The following ROBO1 variants were observed in gnomAD, a reference collection of about 807,000 sequenced individuals.
ROBO1 encodes the protein roundabout homolog 1.
ROBO1 carries 149 observed loss-of-function variants against 195.9 expected under a neutral mutation model. The observed-to-expected ratio is 0.76, with a 90% CI of 0.67 to 0.87. The LOEUF is 0.87. ROBO1 is among the 40% of genes least tolerant of loss of function. The probability of loss-of-function intolerance (pLI) is 0.00; values close to 1 mark genes in which losing one functional copy is unlikely to be tolerated. For synonymous variants in ROBO1, 816 were observed against 733.2 expected (o/e 1.11, Z -1.82); for missense variants, 1,933 against 2,068.3 (o/e 0.93, Z 1.27).
intron 2 of ROBO1, among the ~76,000 whole-genome samples, chr3:79,534,905 A>G (rs769990128): frequency 3.3e-5 from 5 of 152,014 alleles, no homozygotes; most frequent in Non-Finnish European, 5.9e-5. Flanking sequence ...CATACTAACG[A>G]CTGCAGCTTT....
intron 1 of ROBO1, among the ~76,000 whole-genome samples, chr3:79,697,476 T>A (rs1947481398): frequency 6.6e-6 from 1 of 151,486 alleles, no homozygotes; most frequent in African/African-American, 2.4e-5. Flanking sequence ...TTATTATGGA[T>A]CATGCAGAAG....
intron 4 of ROBO1, among the ~76,000 whole-genome samples, chr3:78,898,678 C>T (rs994851548): frequency 4.6e-5 from 7 of 151,730 alleles, no homozygotes; most frequent in East Asian, 1.9e-4. Context: ...AGTGAGCCAC[C>T]GCACCTGGCC....
chr3:78,612,879 A>T (rs751464726), intron 28 of ROBO1, among the ~76,000 whole-genome samples: 5 of 152,214 alleles, frequency 3.3e-5, no homozygotes, highest in African/African-American at 7.2e-5. Flanking sequence ...CCAAATAAAC[A>T]TTTCAGATTA....
At chr3:79,291,377 C>G (rs1477408311) in intron 2 of ROBO1, among the ~76,000 whole-genome samples, 1 of 151,480 alleles carries the variant, frequency 6.6e-6, no homozygotes, top group Non-Finnish European at 1.5e-5. Context: ...TATTTTCCAG[C>G]TCCCGTGTTA....
intron 2 of ROBO1, among the ~76,000 whole-genome samples, chr3:79,312,329 G>C (rs1215711359): frequency 6.6e-6 from 1 of 152,164 alleles, no homozygotes; most frequent in East Asian, 1.9e-4. Flanking sequence ...TCGTTTGTCT[G>C]TTTTACTTAC....
At chr3:79,019,471 T>C (rs1283551677) in intron 3 of ROBO1, 12 of 985,932 alleles carry the variant, frequency 1.2e-5, no homozygotes, top group Non-Finnish European at 1.4e-5. Context: ...CTTGTGGGTT[T>C]CCCCCACAGT....
At chr3:78,881,704 C>A (rs947367647) in intron 4 of ROBO1, among the ~76,000 whole-genome samples, 3 of 152,130 alleles carry the variant, frequency 2.0e-5, no homozygotes, top group African/African-American at 4.8e-5. Flanking sequence ...CTGCATCAGG[C>A]CCGTGGCCTG....
chr3:79,575,365 A>T, intron 2 of ROBO1, among the ~76,000 whole-genome samples: 1 of 129,278 alleles, frequency 7.7e-6, no homozygotes, highest in Non-Finnish European at 1.6e-5. Context: ...ATATGTATAT[A>T]ACAAATATAT....
intron 10 of ROBO1, among the ~76,000 whole-genome samples, chr3:78,679,249 C>A (rs1446574596): frequency 6.6e-6 from 1 of 151,880 alleles, no homozygotes. Context: ...GGAAGCATTC[C>A]CTTTGAAAAC....
At chr3:79,740,622 G>A (rs1381860105) in intron 1 of ROBO1, among the ~76,000 whole-genome samples, 2 of 152,056 alleles carry the variant, frequency 1.3e-5, no homozygotes, top group African/African-American at 2.4e-5. Flanking sequence ...ATCAGATCTC[G>A]TGAGAACTCA....
intron 1 of ROBO1, among the ~76,000 whole-genome samples, chr3:79,703,401 T>G (rs977926545): frequency 1.3e-5 from 2 of 151,708 alleles, no homozygotes; most frequent in Non-Finnish European, 2.9e-5. Flanking sequence ...TAATCCTGAA[T>G]CTCTTAATAT....
intron 2 of ROBO1, among the ~76,000 whole-genome samples, chr3:79,588,576 T>G (rs565736545): frequency 6.6e-6 from 1 of 151,870 alleles, no homozygotes; most frequent in East Asian, 1.9e-4. Context: ...TCTGACAATT[T>G]ACAAAACAGT....
chr3:79,535,298 C>T (rs1295171901), intron 2 of ROBO1, among the ~76,000 whole-genome samples: 3 of 152,188 alleles, frequency 2.0e-5, no homozygotes, highest in East Asian at 1.9e-4. Context: ...ATTGTAGAGC[C>T]TATGTCAGAT....
At chr3:79,326,204 G>T (rs759246107) in intron 2 of ROBO1, among the ~76,000 whole-genome samples, 46 of 152,048 alleles carry the variant, frequency 3.0e-4, no homozygotes, top group Non-Finnish European at 4.6e-4. Context: ...ATTTCTCCCC[G>T]GTCCTGTGGT....
chr3:79,682,312 C>T (rs1037795881), intron 1 of ROBO1, among the ~76,000 whole-genome samples: 1 of 151,892 alleles, frequency 6.6e-6, no homozygotes, highest in Non-Finnish European at 1.5e-5. Context: ...TTGAGAAAGA[C>T]CTGTGGCTGC....
chr3:79,127,198 T>C (rs2080232527), intron 2 of ROBO1, among the ~76,000 whole-genome samples: 1 of 152,158 alleles, frequency 6.6e-6, no homozygotes, highest in Non-Finnish European at 1.5e-5. Context: ...CACACGTTGT[T>C]TAGGTCAAAC....
At chr3:78,844,566 G>A (rs931527207) in intron 4 of ROBO1, among the ~76,000 whole-genome samples, 3 of 152,030 alleles carry the variant, frequency 2.0e-5, no homozygotes, top group African/African-American at 7.2e-5. Flanking sequence ...AGATTTATGA[G>A]CAAAGGGCAA....
At chr3:78,758,451 A>G (rs1210912251) in intron 4 of ROBO1, among the ~76,000 whole-genome samples, 4 of 147,674 alleles carry the variant, frequency 2.7e-5, no homozygotes, top group Non-Finnish European at 4.4e-5. Context: ...TTGAGCCCAG[A>G]GGTCAAGAAG....
chr3:79,734,712 G>A (rs1576298676), intron 1 of ROBO1, among the ~76,000 whole-genome samples: 1 of 151,306 alleles, frequency 6.6e-6, no homozygotes, highest in African/African-American at 2.4e-5. Context: ...GGATTTTGTG[G>A]AAATACAGCC....
Sources: allele counts gnomAD v4.1 joint callset (sites outside exome capture counted in the v4.1 genomes callset), GRCh38; gene constraint gnomAD v4.1.1; transcripts MANE v1.5; gene names NCBI Gene and HGNC (gene_info 2026-07-23, HGNC 2026-07-21).